Variants in INTS4 observed in about 807,000 individuals in gnomAD.
INTS4 encodes integrator complex subunit 4, also known as MSTP093.
Under a neutral mutation model 119.5 loss-of-function variants are expected in INTS4, and 70 were observed. The observed-to-expected ratio is 0.59, with a 90% CI of 0.48 to 0.71. INTS4 has a LOEUF of 0.71. Ranked by LOEUF, INTS4 falls within the 30% of genes least tolerant of loss-of-function variation. INTS4 has a pLI of 0.00. For synonymous variants in INTS4, 316 were observed against 419.6 expected, an observed-to-expected ratio of 0.75 and a Z score of 3.02; for missense variants, 867 against 1,173.2, an observed-to-expected ratio of 0.74 and a Z score of 3.81.
chr11:77,973,827 TTGC>T (rs1855831549), intron 4 of INTS4, among the ~76,000 whole-genome samples: 1 of 152,202 alleles, frequency 6.6e-6, no homozygotes, highest in African/African-American at 2.4e-5. Flanking sequence ...TACTTGTATG[TTGC>T]TGGAGTTGAT....
chr11:77,944,961 C>G (rs1418853636), intron 8 of INTS4, among the ~76,000 whole-genome samples: 1 of 152,120 alleles, frequency 6.6e-6, no homozygotes, highest in African/African-American at 2.4e-5. Context: ...ACCAGAGTTA[C>G]CTGGCACATA....
chr11:77,961,115 A>G lies in INTS4; in HGVS notation c.495T>C (p.Gly165=), dbSNP rs773463805. 3.8e-6 allele frequency: 6 copies of G among 1,599,422 alleles called. No individual in the cohort carries two copies. In the East Asian group the frequency reaches 6.7e-5, roughly 18 times the overall value. Residue 165 remains glycine (G), a synonymous_variant, in exon 5 of 23, where the codon GGT becomes GGC. Transcript: ENST00000534064. ...ACKHLTDTSH[G]VRNKCLQLLG... ...GTAACTGCAGGCACTTATTTCTTAC[A>G]CCATGAGACGTATCTGTCAGATGCT...
At chr11:77,912,813 T>A (rs773045057) in intron 15 of INTS4, among the ~76,000 whole-genome samples, 1 of 152,292 alleles carries the variant, frequency 6.6e-6, no homozygotes, top group African/African-American at 2.4e-5. Context: ...CCAGTTCCAA[T>A]ACTACACAAT....
intron 8 of INTS4, among the ~76,000 whole-genome samples, chr11:77,942,375 C>G (rs189647874): frequency 6.6e-6 from 1 of 152,028 alleles, no homozygotes; most frequent in African/African-American, 2.4e-5. Flanking sequence ...ACAAATGGAA[C>G]GTAAGATAGG....
intron 15 of INTS4, among the ~76,000 whole-genome samples, chr11:77,914,315 A>C (rs1327365862): frequency 6.6e-6 from 1 of 152,184 alleles, no homozygotes; most frequent in Non-Finnish European, 1.5e-5. Flanking sequence ...GCTGATCACC[A>C]AATTGGCTAG....
intron 15 of INTS4, chr11:77,910,991 G>A: frequency 1.6e-6 from 2 of 1,288,946 alleles, no homozygotes; most frequent in Non-Finnish European, 2.0e-6. Context: ...AGTCACTTGG[G>A]AAGCTGTCTG....
chr11:77,982,690 AC>A (rs1222852759), intron 2 of INTS4, among the ~76,000 whole-genome samples: 1 of 152,196 alleles, frequency 6.6e-6, no homozygotes, highest in Non-Finnish European at 1.5e-5. Flanking sequence ...ATAGCACAAT[AC>A]CTGACACTGA....
At chr11:77,903,872 G>C (rs1952857763) in intron 16 of INTS4, among the ~76,000 whole-genome samples, 1 of 152,112 alleles carries the variant, frequency 6.6e-6, no homozygotes, top group African/African-American at 2.4e-5. Context: ...AGTGCTTCTG[G>C]AAGCAGAGGA....
At chr11:77,944,001 G>A (rs968659877) in intron 8 of INTS4, among the ~76,000 whole-genome samples, 1 of 152,076 alleles carries the variant, frequency 6.6e-6, no homozygotes, top group African/African-American at 2.4e-5. Flanking sequence ...AATTTTTAAG[G>A]TCAATGACTT....
chr11:77,891,024 G>T (rs763434771), intron 21 of INTS4, among the ~76,000 whole-genome samples: 1 of 152,144 alleles, frequency 6.6e-6, no homozygotes, highest in Non-Finnish European at 1.5e-5. Flanking sequence ...ATTAGAAAAG[G>T]TCTTATCATT....
intron 18 of INTS4, among the ~76,000 whole-genome samples, chr11:77,898,159 G>A (rs1565230873): frequency 1.3e-5 from 2 of 151,924 alleles, no homozygotes; most frequent in East Asian, 3.9e-4. Context: ...GGCCTTAACT[G>A]GCCTAAATTA....
At chr11:77,944,973 C>T (rs1954013531) in intron 8 of INTS4, among the ~76,000 whole-genome samples, 1 of 152,116 alleles carries the variant, frequency 6.6e-6, no homozygotes, top group Admixed American at 6.5e-5. Context: ...TGGCACATAT[C>T]ACCCACAACA....
intron 3 of INTS4, among the ~76,000 whole-genome samples, chr11:77,981,064 T>C (rs1565289565): frequency 6.6e-6 from 1 of 151,906 alleles, no homozygotes; most frequent in South Asian, 2.1e-4. Flanking sequence ...GCTGAAATAA[T>C]CCTTTTAGAA....
At chr11:77,899,759 A>G (rs1286461984) in intron 18 of INTS4, among the ~76,000 whole-genome samples, 2 of 152,168 alleles carry the variant, frequency 1.3e-5, no homozygotes, top group African/African-American at 4.8e-5. Flanking sequence ...ATGACAAGAT[A>G]AGCATATTAT....
At chr11:77,900,632 G>A (rs1000717060) in intron 18 of INTS4, 2 of 696,344 alleles carry the variant, frequency 2.9e-6, no homozygotes, top group African/African-American at 3.6e-5. Context: ...GTACTTTTTT[G>A]TATCAAATCT....
At chr11:77,930,717 C>G in intron 10 of INTS4, among the ~76,000 whole-genome samples, 1 of 152,126 alleles carries the variant, frequency 6.6e-6, no homozygotes, top group Non-Finnish European at 1.5e-5. Flanking sequence ...AGGTATGTCA[C>G]GCCTGTAATC....
chr11:77,934,153 G>C (rs918041159), intron 10 of INTS4, among the ~76,000 whole-genome samples: 1 of 151,660 alleles, frequency 6.6e-6, no homozygotes, highest in Admixed American at 6.6e-5. Flanking sequence ...GATTAAGGGC[G>C]GTGCAAGATG....
chr11:77,943,042 C>T (rs566224526), intron 8 of INTS4, among the ~76,000 whole-genome samples: 17 of 152,254 alleles, frequency 1.1e-4, no homozygotes, highest in South Asian at 4.1e-4. Context: ...GAACTATAAA[C>T]GCTTAAGACC....
chr11:77,973,377 T>A (rs1176839346), intron 4 of INTS4, among the ~76,000 whole-genome samples: 1 of 152,208 alleles, frequency 6.6e-6, no homozygotes, highest in Admixed American at 6.5e-5. Flanking sequence ...TACTTTTTCT[T>A]TTCCAAAATA....
Sources: allele counts gnomAD v4.1 joint callset (sites outside exome capture counted in the v4.1 genomes callset), GRCh38; gene constraint gnomAD v4.1.1; transcripts MANE v1.5; gene names NCBI Gene and HGNC (gene_info 2026-07-23, HGNC 2026-07-21).